The following CNTN5 variants were observed in gnomAD, a reference collection of about 807,000 sequenced individuals.
The protein encoded by CNTN5 is contactin-5.
CNTN5 carries 77 observed loss-of-function variants against 129.1 expected under a neutral mutation model. The observed-to-expected ratio is 0.60, with a 90% CI of 0.50 to 0.72. The LOEUF (loss-of-function observed/expected upper bound fraction) is 0.72, where lower values mean the gene tolerates loss of function less well. CNTN5 is among the 30% of genes least tolerant of loss of function. The pLI is 0.00. For synonymous variants in CNTN5, 509 were observed against 465.6 expected (o/e 1.09, Z -1.20); for missense variants, 1,478 against 1,328.8 (o/e 1.11, Z -1.75).
At chr11:100,335,858 A>G (rs1011861892) in intron 21 of CNTN5, among the ~76,000 whole-genome samples, 2 of 152,136 alleles carry the variant, frequency 1.3e-5, no homozygotes, top group Non-Finnish European at 2.9e-5. Flanking sequence ...CCTGTCTGCC[A>G]CTAATATTAT....
At chr11:99,254,840 C>G (rs1049291683) in intron 1 of CNTN5, among the ~76,000 whole-genome samples, 2 of 151,792 alleles carry the variant, frequency 1.3e-5, no homozygotes, top group Non-Finnish European at 2.9e-5. Context: ...GTAAAATGTG[C>G]TTAATAAAAG....
intron 6 of CNTN5, among the ~76,000 whole-genome samples, chr11:99,905,375 A>C (rs552645060): frequency 6.6e-6 from 1 of 152,280 alleles, no homozygotes; most frequent in African/African-American, 2.4e-5. Flanking sequence ...CAGTTTTGCA[A>C]ATAGCGTTTA....
chr11:99,944,543 T>C (rs1457144343), intron 7 of CNTN5, among the ~76,000 whole-genome samples: 1 of 151,806 alleles, frequency 6.6e-6, no homozygotes, highest in Non-Finnish European at 1.5e-5. Context: ...AAATAAAGAG[T>C]ATTCAAATAG....
intron 3 of CNTN5, among the ~76,000 whole-genome samples, chr11:99,789,264 T>C (rs989329622): frequency 6.6e-6 from 1 of 151,948 alleles, no homozygotes. Context: ...CATACATATT[T>C]TCTCAATATT....
At chr11:100,118,060 A>C (rs1368288995) in intron 13 of CNTN5, among the ~76,000 whole-genome samples, 1 of 151,610 alleles carries the variant, frequency 6.6e-6, no homozygotes, top group Non-Finnish European at 1.5e-5. Flanking sequence ...TGTAATGGGC[A>C]TAATAACACA....
intron 16 of CNTN5, among the ~76,000 whole-genome samples, chr11:100,240,191 T>C (rs1949707731): frequency 6.6e-6 from 1 of 152,120 alleles, no homozygotes; most frequent in African/African-American, 2.4e-5. Flanking sequence ...CCATCCATTA[T>C]ATGGAACATC....
intron 3 of CNTN5, among the ~76,000 whole-genome samples, chr11:99,717,442 A>C (rs1054676810): frequency 1.3e-5 from 2 of 152,104 alleles, no homozygotes; most frequent in East Asian, 3.9e-4. Flanking sequence ...CACTACCAAT[A>C]AAATTCTATC....
At chr11:99,116,805 A>G (rs1858067530) in intron 1 of CNTN5, among the ~76,000 whole-genome samples, 1 of 152,194 alleles carries the variant, frequency 6.6e-6, no homozygotes, top group Non-Finnish European at 1.5e-5. Flanking sequence ...ATACATTTAG[A>G]TAGAAGAATC....
chr11:99,914,413 T>C (rs1415881069), intron 6 of CNTN5, among the ~76,000 whole-genome samples: 2 of 151,996 alleles, frequency 1.3e-5, no homozygotes, highest in African/African-American at 2.4e-5. Flanking sequence ...AGCCATGATT[T>C]GCATATATTT....
intron 10 of CNTN5, among the ~76,000 whole-genome samples, chr11:100,062,965 C>T (rs923503429): frequency 6.6e-6 from 1 of 152,140 alleles, no homozygotes; most frequent in African/African-American, 2.4e-5. Flanking sequence ...ATTACCATCC[C>T]TCTGTACAGA....
chr11:99,294,596 TA>T (rs545006097), intron 1 of CNTN5, among the ~76,000 whole-genome samples: 1 of 152,162 alleles, frequency 6.6e-6, no homozygotes, highest in African/African-American at 2.4e-5. Flanking sequence ...CATATTACCT[TA>T]AAAAAATCTA....
intron 3 of CNTN5, among the ~76,000 whole-genome samples, chr11:99,737,622 T>A (rs1943753890): frequency 6.6e-6 from 1 of 152,214 alleles, no homozygotes; most frequent in South Asian, 2.1e-4. Flanking sequence ...AATCTTTGGA[T>A]TCTTTCCAAA....
intron 13 of CNTN5, among the ~76,000 whole-genome samples, chr11:100,180,146 CA>C (rs1948093301): frequency 6.6e-6 from 1 of 151,814 alleles, no homozygotes; most frequent in African/African-American, 2.4e-5. Flanking sequence ...AATCAAGATG[CA>C]AAATTCTTAG....
intron 4 of CNTN5, among the ~76,000 whole-genome samples, chr11:99,828,532 C>T (rs958364314): frequency 1.3e-5 from 2 of 152,134 alleles, no homozygotes; most frequent in African/African-American, 4.8e-5. Context: ...AATGCTGTTA[C>T]AATATCAATT....
chr11:99,991,933 G>A (rs1939130006), intron 8 of CNTN5, among the ~76,000 whole-genome samples: 1 of 152,104 alleles, frequency 6.6e-6, no homozygotes, highest in African/African-American at 2.4e-5. Flanking sequence ...ACCACAGCCA[G>A]GAAGATAAAA....
At chr11:99,075,919 T>A (rs1348353739) in intron 1 of CNTN5, among the ~76,000 whole-genome samples, 2 of 152,228 alleles carry the variant, frequency 1.3e-5, no homozygotes, top group East Asian at 3.8e-4. Flanking sequence ...TACAAACTCT[T>A]GCTATGACTT....
chr11:100,120,303 A>T (rs1945975325), intron 13 of CNTN5, among the ~76,000 whole-genome samples: 2 of 151,992 alleles, frequency 1.3e-5, no homozygotes. Context: ...TCCAATTTAC[A>T]CCACCATTAA....
intron 1 of CNTN5, among the ~76,000 whole-genome samples, chr11:99,321,923 TGCTCATACTACAATG>T (rs1865589765): frequency 6.6e-6 from 1 of 152,156 alleles, no homozygotes; most frequent in Non-Finnish European, 1.5e-5. Context: ...TACTACAATG[TGCTCATACTACAATG>T]GCTGATGAAA....
chr11:100,240,451 A>T (rs1411008297), intron 16 of CNTN5, among the ~76,000 whole-genome samples: 1 of 152,204 alleles, frequency 6.6e-6, no homozygotes, highest in African/African-American at 2.4e-5. Context: ...CTCAGAGCAT[A>T]AGCTAGTAGC....
Sources: allele counts gnomAD v4.1 joint callset (sites outside exome capture counted in the v4.1 genomes callset), GRCh38; gene constraint gnomAD v4.1.1; transcripts MANE v1.5; gene names NCBI Gene and HGNC (gene_info 2026-07-23, HGNC 2026-07-21).